TFPI: variants seen among roughly 807,000 people sequenced by gnomAD.
TFPI encodes the protein tissue factor pathway inhibitor.
Under a neutral mutation model 34.6 loss-of-function variants are expected in TFPI, and 15 were observed. The observed-to-expected ratio is 0.43, with a 90% CI of 0.29 to 0.67. The LOEUF (loss-of-function observed/expected upper bound fraction) is 0.67, where lower values mean the gene tolerates loss of function less well. Ranked by LOEUF, TFPI falls within the 30% of genes least tolerant of loss-of-function variation. The pLI, the probability that TFPI is intolerant of heterozygous loss-of-function variation, is 0.15. For missense variants in TFPI, 301 were observed against 364.0 expected (o/e 0.83, Z 1.41); for synonymous variants, 105 against 120.1 (o/e 0.87, Z 0.82).
chr2:187,488,727 CTACA>C (rs1227154733), intron 3 of TFPI, among the ~76,000 whole-genome samples: 5 of 151,270 alleles, frequency 3.3e-5, no homozygotes, highest in Admixed American at 3.3e-4. Flanking sequence ...TTCAAGCAGC[CTACA>C]TTACATATAA....
chr2:187,512,277 T>TAA (rs143585752), intron 1 of TFPI, among the ~76,000 whole-genome samples: 188 of 110,348 alleles, frequency 1.7e-3, no homozygotes, highest in African/African-American at 5.4e-3. Context: ...TATCCTAAGT[T>TAA]AAAAAAAAAA....
intron 6 of TFPI, among the ~76,000 whole-genome samples, chr2:187,475,408 T>C (rs1377468891): frequency 1.3e-5 from 2 of 152,200 alleles, no homozygotes; most frequent in African/African-American, 2.4e-5. Context: ...TTACAGACTT[T>C]AGCTTCATTA....
At chr2:187,474,120 G>A (rs959890448) in intron 6 of TFPI, among the ~76,000 whole-genome samples, 9 of 152,102 alleles carry the variant, frequency 5.9e-5, no homozygotes, top group Non-Finnish European at 1.3e-4. Flanking sequence ...CAGCTATTGA[G>A]TATACTTTAT....
At chr2:187,548,425 C>G (rs1215955548) in intron 1 of TFPI, among the ~76,000 whole-genome samples, 2 of 151,968 alleles carry the variant, frequency 1.3e-5, no homozygotes, top group African/African-American at 4.8e-5. Flanking sequence ...ATATATCTTT[C>G]ATGGTGGTGT....
rs149475647 is a variant in TFPI, at chr2:187,522,289, A to C, written c.-2-18519T>G. Among the ~76,000 whole-genome samples, 55 of 152,238 alleles carry C rather than the reference A, an allele frequency of 3.6e-4. 1 individual carries two copies. Among genetic ancestry groups the C allele is most frequent in the African/African-American group, 1.3e-3 (54 of 41,496 alleles). On this transcript the variant is annotated intron_variant, in intron 1 of 7. Transcript: ENST00000233156. ...ATTCAAAAAATCATTGCCAAGACCA[A>C]TGTCAAGATTTTCCCCTATGCTTTT...
chr2:187,496,220 G>A (rs1418885346), intron 3 of TFPI, among the ~76,000 whole-genome samples: 2 of 151,784 alleles, frequency 1.3e-5, no homozygotes, highest in East Asian at 3.9e-4. Flanking sequence ...GTATTTTAAG[G>A]TTCCAATAAT....
chr2:187,495,445 C>G (rs1685410094), intron 3 of TFPI, among the ~76,000 whole-genome samples: 1 of 152,162 alleles, frequency 6.6e-6, no homozygotes, highest in Non-Finnish European at 1.5e-5. Context: ...CAAGCAATCA[C>G]AAAAACCAAA....
Position 187,474,907 on chromosome 2 carries a change from C to T in TFPI, c.629-6975G>A, listed in dbSNP as rs181469719. Among the ~76,000 whole-genome samples the T allele has an allele frequency of 2.0e-4, 31 of 152,082 alleles. No individual in the cohort carries two copies. The East Asian group carries it at 5.4e-3, about 27-fold the overall frequency. On this transcript the variant is annotated intron_variant, in intron 6 of 7. Transcript: ENST00000233156. ...ATGGGTTAGCCAGCATCCAGGCAAACGAGTTTGAAGTGGAAGATGAAGATA... is the reference window on the plus strand; with the variant it reads ...ATGGGTTAGCCAGCATCCAGGCAAATGAGTTTGAAGTGGAAGATGAAGATA...
chr2:187,537,202 C>A (rs1688308673), intron 1 of TFPI, among the ~76,000 whole-genome samples: 1 of 152,164 alleles, frequency 6.6e-6, no homozygotes, highest in South Asian at 2.1e-4. Context: ...ATCAAGCTAC[C>A]ATTTACTTTC....
At chr2:187,519,866 A>G (rs1687259339) in intron 1 of TFPI, 1 of 152,122 alleles carries the variant, frequency 6.6e-6, no homozygotes. Flanking sequence ...GAATCTAGGG[A>G]GGCAGTCTGT....
At chr2:187,528,859 T>TA (rs5837041) in intron 1 of TFPI, among the ~76,000 whole-genome samples, 10,423 of 141,788 alleles carry the variant, frequency 0.074, 446 homozygotes, top group African/African-American at 0.13. Flanking sequence ...ATAGTGTTGG[T>TA]AAAAAAAAAA....
At chr2:187,524,521 C>A (rs1259402612) in intron 1 of TFPI, among the ~76,000 whole-genome samples, 1 of 151,796 alleles carries the variant, frequency 6.6e-6, no homozygotes, top group African/African-American at 2.4e-5. Flanking sequence ...TGTTCAATAC[C>A]CCAAACAATG....
chr2:187,501,938 T>G (rs1298016683), intron 2 of TFPI, among the ~76,000 whole-genome samples: 1 of 152,178 alleles, frequency 6.6e-6, no homozygotes, highest in Non-Finnish European at 1.5e-5. Context: ...TTTGATGTAT[T>G]TTTCTATTAA....
At chr2:187,540,852 CTG>C (rs367607955) in intron 1 of TFPI, among the ~76,000 whole-genome samples, 110 of 133,826 alleles carry the variant, frequency 8.2e-4, no homozygotes, top group African/African-American at 3.1e-3. Flanking sequence ...GATTGTGTCA[CTG>C]CACTCCAGCC....
In TFPI at chr2:187,467,057, G is replaced by C; in HGVS notation, c.809-15C>G. The C allele has an allele frequency of 6.9e-7, 1 of 1,446,756 alleles. No individual in the cohort carries two copies. The highest frequency in any genetic ancestry group is 1.4e-5 in the African/African-American group (1 of 69,896). The allele number at this position is 1,446,756 out of a possible 1,614,324, so 89.6% of individuals were successfully genotyped here. A position where few individuals can be genotyped will look rare whatever the true frequency, so the allele number is the denominator to read the frequency against. On this transcript the variant is annotated splice_polypyrimidine_tract_variant and intron_variant, in intron 7 of 7. Coordinates refer to ENST00000233156, the MANE Select transcript of TFPI (RefSeq NM_006287.6). The stretch of plus-strand genomic sequence containing the variant: ...TTGGATGAAACCTATAAGAGGAAGA[G>C]GAATAAATTAATGTGTGATAAAATA...
At chr2:187,531,726 T>G (rs541492858) in intron 1 of TFPI, among the ~76,000 whole-genome samples, 1 of 152,274 alleles carries the variant, frequency 6.6e-6, no homozygotes, top group Admixed American at 6.5e-5. Context: ...TTGATGCCAT[T>G]TACAAAAATA....
At chr2:187,489,312 A>G (rs568658734) in intron 3 of TFPI, among the ~76,000 whole-genome samples, 1 of 151,390 alleles carries the variant, frequency 6.6e-6, no homozygotes, top group African/African-American at 2.4e-5. Context: ...TGTCTATGAA[A>G]GTGAAACTAA....
intron 1 of TFPI, among the ~76,000 whole-genome samples, chr2:187,509,643 T>A (rs1241976718): frequency 1.3e-5 from 2 of 152,190 alleles, no homozygotes; most frequent in Non-Finnish European, 2.9e-5. Context: ...AGTGGTGATA[T>A]CCCCTTTATC....
chr2:187,493,007 C>T (rs1685224694), intron 3 of TFPI, among the ~76,000 whole-genome samples: 1 of 152,088 alleles, frequency 6.6e-6, no homozygotes, highest in Admixed American at 6.5e-5. Context: ...TGGTGGCTTT[C>T]TTCTCACAGC....
Sources: allele counts gnomAD v4.1 joint callset (sites outside exome capture counted in the v4.1 genomes callset), GRCh38; gene constraint gnomAD v4.1.1; transcripts MANE v1.5; gene names NCBI Gene and HGNC (gene_info 2026-07-23, HGNC 2026-07-21).